The following TNR variants were observed in gnomAD, a reference collection of about 807,000 sequenced individuals.
The protein encoded by TNR is tenascin-R.
In TNR, 45 loss-of-function variants were observed where a neutral mutation model predicts 150.4. The observed-to-expected ratio is 0.30, with a 90% CI of 0.24 to 0.38. The LOEUF is 0.38. Ranked by LOEUF, TNR falls within the 10% of genes least tolerant of loss-of-function variation. The probability of loss-of-function intolerance (pLI) is 1.00; values close to 1 mark genes in which losing one functional copy is unlikely to be tolerated. For missense variants in TNR, 1,544 were observed against 1,759.1 expected, an observed-to-expected ratio of 0.88 and a Z score of 2.19; for synonymous variants, 687 against 678.4, an observed-to-expected ratio of 1.01 and a Z score of -0.20.
At chr1:175,554,109 T>C (rs754481695) in intron 1 of TNR, among the ~76,000 whole-genome samples, 1 of 152,182 alleles carries the variant, frequency 6.6e-6, no homozygotes, top group East Asian at 1.9e-4. Context: ...AAAGGCCCGC[T>C]GCATATATTC....
chr1:175,456,361 C>T (rs1403356100), intron 2 of TNR, among the ~76,000 whole-genome samples: 1 of 152,216 alleles, frequency 6.6e-6, no homozygotes, highest in Admixed American at 6.5e-5. Flanking sequence ...GTATCCATCA[C>T]CTTCTAATAT....
At chr1:175,326,478 C>T (rs934419810) in intron 21 of TNR, among the ~76,000 whole-genome samples, 1 of 152,178 alleles carries the variant, frequency 6.6e-6, no homozygotes, top group Non-Finnish European at 1.5e-5. Context: ...GACGCCCTCA[C>T]TGGGGAGGCC....
chr1:175,666,634 G>T, intron 1 of TNR, among the ~76,000 whole-genome samples: 1 of 152,242 alleles, frequency 6.6e-6, no homozygotes, highest in Non-Finnish European at 1.5e-5. Flanking sequence ...ACGTCGGACT[G>T]GCTGGACCCG....
At chr1:175,735,406 G>A (rs1373963168) in intron 1 of TNR, among the ~76,000 whole-genome samples, 8 of 152,192 alleles carry the variant, frequency 5.3e-5, no homozygotes, top group African/African-American at 1.9e-4. Flanking sequence ...ATTCACAGGG[G>A]ACATCATGAG....
chr1:175,571,758 C>T (rs1661880592), intron 1 of TNR, among the ~76,000 whole-genome samples: 1 of 152,166 alleles, frequency 6.6e-6, no homozygotes, highest in Non-Finnish European at 1.5e-5. Flanking sequence ...GCTGATGAGC[C>T]CCCCAGATTC....
At chr1:175,603,516 G>A (rs1206742901) in intron 1 of TNR, among the ~76,000 whole-genome samples, 1 of 152,258 alleles carries the variant, frequency 6.6e-6, no homozygotes, top group Non-Finnish European at 1.5e-5. Context: ...GGAGCAAGAA[G>A]TGTTAGGTTT....
At chr1:175,591,876 T>C (rs1381765214) in intron 1 of TNR, among the ~76,000 whole-genome samples, 1 of 152,214 alleles carries the variant, frequency 6.6e-6, no homozygotes, top group Non-Finnish European at 1.5e-5. Flanking sequence ...TAAAAGCTAG[T>C]GCAAAATTCA....
chr1:175,519,624 C>G (rs1659554477), intron 2 of TNR, among the ~76,000 whole-genome samples: 1 of 152,194 alleles, frequency 6.6e-6, no homozygotes, highest in Non-Finnish European at 1.5e-5. Context: ...ATCACAGCTT[C>G]AATTGCAGTG....
chr1:175,526,784 G>A (rs1659863554), intron 2 of TNR, among the ~76,000 whole-genome samples: 1 of 152,246 alleles, frequency 6.6e-6, no homozygotes, highest in East Asian at 1.9e-4. Context: ...GAATTGCCAA[G>A]GAGCCATGAG....
intron 15 of TNR, 114 bp downstream of exon 15, chr1:175,359,498 T>A (rs993948433): frequency 1.7e-5 from 27 of 1,558,686 alleles, no homozygotes; most frequent in Non-Finnish European, 2.1e-5. Flanking sequence ...GTAGGAACTT[T>A]TCTAATCTGT....
intron 1 of TNR, among the ~76,000 whole-genome samples, chr1:175,689,782 C>A (rs2101917184): frequency 6.6e-6 from 1 of 152,270 alleles, no homozygotes; most frequent in Non-Finnish European, 1.5e-5. Flanking sequence ...AGACTGCAGG[C>A]TGCGTTTTCT....
chr1:175,545,524 A>C (rs899037174), intron 1 of TNR, among the ~76,000 whole-genome samples: 3 of 152,232 alleles, frequency 2.0e-5, no homozygotes, highest in African/African-American at 7.2e-5. Flanking sequence ...GGAGAGACTG[A>C]AAGTGCACTG....
chr1:175,387,135 G>C (rs189313503), intron 7 of TNR, among the ~76,000 whole-genome samples: 1 of 152,184 alleles, frequency 6.6e-6, no homozygotes, highest in Non-Finnish European at 1.5e-5. Flanking sequence ...ACCCACTTGA[G>C]GTTCTGTTCA....
At chr1:175,388,184 G>A (rs1430196121) in intron 7 of TNR, among the ~76,000 whole-genome samples, 5 of 151,790 alleles carry the variant, frequency 3.3e-5, no homozygotes, top group Admixed American at 6.6e-5. Context: ...AATGTGTGTC[G>A]AGTAAATGAA....
chr1:175,566,818 C>T (rs774837242), intron 1 of TNR, among the ~76,000 whole-genome samples: 11 of 152,140 alleles, frequency 7.2e-5, no homozygotes, highest in South Asian at 2.1e-4. Flanking sequence ...CATAAGTCTA[C>T]GTTTTTTTGT....
chr1:175,458,609 C>T (rs941591122), intron 2 of TNR, among the ~76,000 whole-genome samples: 3 of 152,074 alleles, frequency 2.0e-5, no homozygotes, highest in African/African-American at 4.8e-5. Flanking sequence ...GACACCTCGT[C>T]CCAAAGTCAA....
At chr1:175,561,340 G>C (rs1661417685) in intron 1 of TNR, among the ~76,000 whole-genome samples, 1 of 152,136 alleles carries the variant, frequency 6.6e-6, no homozygotes, top group Non-Finnish European at 1.5e-5. Flanking sequence ...TTCTGAAGGA[G>C]ATAATGGGGC....
chr1:175,399,398 A>T (rs1653593224), intron 4 of TNR, among the ~76,000 whole-genome samples: 1 of 152,178 alleles, frequency 6.6e-6, no homozygotes, highest in African/African-American at 2.4e-5. Context: ...TTTTAAAGCA[A>T]AAAAAAGAGG....
intron 2 of TNR, among the ~76,000 whole-genome samples, chr1:175,514,921 G>C (rs1229791372): frequency 6.6e-6 from 1 of 152,170 alleles, no homozygotes; most frequent in Non-Finnish European, 1.5e-5. Flanking sequence ...GTGGTTTCCT[G>C]CTGCAGGGAA....
Sources: gnomAD v4.1 joint callset for allele counts (sites outside exome capture counted in the v4.1 genomes callset) on GRCh38, gnomAD v4.1.1 for gene constraint, MANE v1.5 for transcripts, NCBI Gene and HGNC (gene_info 2026-07-23, HGNC 2026-07-21) for gene names.